Variants in CSMD1 observed in about 807,000 individuals in gnomAD.
The protein encoded by CSMD1 is CUB and sushi domain-containing protein 1.
In CSMD1, 213 loss-of-function variants were observed where a neutral mutation model predicts 417.5. That is an observed-to-expected ratio of 0.51 (90% CI 0.46 to 0.57). The LOEUF (loss-of-function observed/expected upper bound fraction) is 0.57. Ranked by LOEUF, CSMD1 falls within the 20% of genes least tolerant of loss-of-function variation. The pLI is 0.00. For missense variants in CSMD1, 6,923 were observed against 4,529.7 expected (o/e 1.53, Z -15.17); for synonymous variants, 2,862 against 1,736.8 (o/e 1.65, Z -16.11).
At chr8:3,844,731 C>G (rs1021431524) in intron 5 of CSMD1, among the ~76,000 whole-genome samples, 1 of 152,154 alleles carries the variant, frequency 6.6e-6, no homozygotes, top group Non-Finnish European at 1.5e-5. Context: ...AAATACAGAT[C>G]TTCCTTGACA....
chr8:3,885,388 C>G (rs1187605822), intron 5 of CSMD1, among the ~76,000 whole-genome samples: 1 of 152,036 alleles, frequency 6.6e-6, no homozygotes, highest in Admixed American at 6.6e-5. Context: ...CTTGAAGCTG[C>G]CAATGGAGTA....
intron 12 of CSMD1, among the ~76,000 whole-genome samples, chr8:3,430,436 T>G (rs145541300): frequency 3.3e-5 from 5 of 152,168 alleles, no homozygotes; most frequent in African/African-American, 1.2e-4. Context: ...GTCTGACATA[T>G]GTAGTAGGTA....
intron 4 of CSMD1, among the ~76,000 whole-genome samples, chr8:4,015,053 T>C (rs951295022): frequency 1.3e-5 from 2 of 152,170 alleles, no homozygotes; most frequent in African/African-American, 4.8e-5. Flanking sequence ...ACAGTTTTAA[T>C]TTTGATACGA....
At chr8:4,602,046 T>C (rs542442703) in intron 2 of CSMD1, among the ~76,000 whole-genome samples, 2 of 152,266 alleles carry the variant, frequency 1.3e-5, no homozygotes, top group South Asian at 2.1e-4. Flanking sequence ...CCAAGAAGAA[T>C]GAATATAGAA....
At chr8:3,927,276 A>C (rs938664825) in intron 5 of CSMD1, among the ~76,000 whole-genome samples, 3 of 152,006 alleles carry the variant, frequency 2.0e-5, no homozygotes, top group African/African-American at 7.2e-5. Flanking sequence ...GACATAAGCT[A>C]ATAATTATTA....
chr8:2,960,361 T>C (rs1803351046), intron 62 of CSMD1, among the ~76,000 whole-genome samples: 1 of 152,234 alleles, frequency 6.6e-6, no homozygotes, highest in Admixed American at 6.5e-5. Context: ...GGGAATATTT[T>C]CGTGCTCACG....
chr8:3,867,857 A>G (rs550232311), intron 5 of CSMD1, among the ~76,000 whole-genome samples: 30 of 152,040 alleles, frequency 2.0e-4, no homozygotes, highest in Non-Finnish European at 4.1e-4. Context: ...TTGAAGAAGC[A>G]TGGACCACTG....
chr8:3,834,187 A>C (rs150472786), intron 5 of CSMD1, among the ~76,000 whole-genome samples: 1,546 of 152,166 alleles, frequency 0.01, 39 homozygotes, highest in African/African-American at 0.034. Context: ...TTCTATCAAC[A>C]GTTATTTTAA....
At chr8:4,333,583 T>A (rs1799995030) in intron 3 of CSMD1, among the ~76,000 whole-genome samples, 2 of 152,174 alleles carry the variant, frequency 1.3e-5, no homozygotes, top group Non-Finnish European at 2.9e-5. Context: ...CGTTAGTTAT[T>A]ATTACTCTTG....
intron 10 of CSMD1, among the ~76,000 whole-genome samples, chr8:3,521,403 C>T (rs530853169): frequency 1.3e-5 from 2 of 152,296 alleles, no homozygotes; most frequent in South Asian, 2.1e-4. Context: ...AATTCAGTGC[C>T]ACCATTTCCA....
chr8:4,638,084 T>C (rs1043940128), intron 1 of CSMD1, among the ~76,000 whole-genome samples: 1 of 152,182 alleles, frequency 6.6e-6, no homozygotes, highest in Non-Finnish European at 1.5e-5. Context: ...ATATGCAACA[T>C]TTTGTAACTA....
chr8:4,757,038 G>A (rs1261050849), intron 1 of CSMD1, among the ~76,000 whole-genome samples: 1 of 152,206 alleles, frequency 6.6e-6, no homozygotes, highest in Non-Finnish European at 1.5e-5. Context: ...ACAATATGCA[G>A]GAATGCATTG....
intron 10 of CSMD1, among the ~76,000 whole-genome samples, chr8:3,507,530 T>C (rs1796879265): frequency 6.6e-6 from 1 of 152,190 alleles, no homozygotes; most frequent in African/African-American, 2.4e-5. Context: ...AGTAATGGGA[T>C]TGCTGGGTCA....
Position 3,169,176 on chromosome 8 carries a change from G to C in CSMD1, c.5726-6899C>G, listed in dbSNP as rs1018079678. ...TAGCCTCTGCATTACACATGTGCAG[G>C]AATCATGCATCTCAGTGAATTACAG... is the stretch of plus-strand genomic sequence containing the variant. On this transcript the variant is annotated intron_variant, in intron 37 of 69. Transcript: ENST00000635120. Among the ~76,000 whole-genome samples the C allele has an allele frequency of 4.6e-5, 7 of 152,108 alleles. No individual in the cohort carries two copies. The South Asian group carries it at 8.3e-4, about 18-fold the overall frequency.
intron 3 of CSMD1, among the ~76,000 whole-genome samples, chr8:4,125,534 C>T (rs139629730): frequency 4.1e-4 from 62 of 152,292 alleles, no homozygotes; most frequent in Admixed American, 1.0e-3. Flanking sequence ...GTCAGGGGCG[C>T]GCAGCCTCAA....
intron 5 of CSMD1, among the ~76,000 whole-genome samples, chr8:3,898,907 G>T (rs1044410606): frequency 5.3e-5 from 8 of 152,072 alleles, no homozygotes; most frequent in African/African-American, 1.9e-4. Flanking sequence ...ATTTTAAACT[G>T]TAGTGACTCT....
At chr8:3,659,853 A>G (rs968192718) in intron 7 of CSMD1, among the ~76,000 whole-genome samples, 3 of 152,228 alleles carry the variant, frequency 2.0e-5, no homozygotes, top group Admixed American at 2.0e-4. Flanking sequence ...ATACAATTTC[A>G]ACTTCTTTAG....
intron 61 of CSMD1, among the ~76,000 whole-genome samples, 200 bp from the exon 62 acceptor site, chr8:2,961,414 G>C (rs903817018): frequency 1.3e-5 from 2 of 152,036 alleles, no homozygotes; most frequent in Admixed American, 6.5e-5. Flanking sequence ...TTAACTTTTA[G>C]ACTTTAAGTA....
chr8:3,596,633 CA>C (rs1198682864), intron 8 of CSMD1, among the ~76,000 whole-genome samples: 2 of 152,236 alleles, frequency 1.3e-5, no homozygotes, highest in Non-Finnish European at 2.9e-5. Context: ...CAAAACTTTG[CA>C]ATTTTTTTTA....
Sources: gnomAD v4.1 joint callset for allele counts (sites outside exome capture counted in the v4.1 genomes callset) on GRCh38, gnomAD v4.1.1 for gene constraint, MANE v1.5 for transcripts, NCBI Gene and HGNC (gene_info 2026-07-23, HGNC 2026-07-21) for gene names.